Variants in CNTN3 observed in about 807,000 individuals in gnomAD.
CNTN3 encodes the protein contactin-3.
CNTN3 carries 60 observed loss-of-function variants against 119.1 expected under a neutral mutation model. The observed-to-expected ratio is 0.50, with a 90% CI of 0.41 to 0.62. The LOEUF (loss-of-function observed/expected upper bound fraction) is 0.62, where lower values mean the gene tolerates loss of function less well. Among genes scored for constraint, CNTN3 ranks in the 20% least tolerant of loss-of-function variants. The pLI, the probability that CNTN3 is intolerant of heterozygous loss-of-function variation, is 0.00. For synonymous variants in CNTN3, 450 were observed against 438.7 expected (o/e 1.03, Z -0.32); for missense variants, 1,101 against 1,242.4 (o/e 0.89, Z 1.71).
At chr3:74,444,505 T>G (rs1282337760) in intron 4 of CNTN3, among the ~76,000 whole-genome samples, 8 of 152,176 alleles carry the variant, frequency 5.3e-5, no homozygotes. Context: ...ACTTTTCATC[T>G]ACCTGACAAT....
intron 4 of CNTN3, among the ~76,000 whole-genome samples, chr3:74,465,819 C>T (rs1428745698): frequency 2.0e-5 from 3 of 152,080 alleles, no homozygotes; most frequent in Admixed American, 2.0e-4. Context: ...TGTGTCTGAA[C>T]CCTGAAGGAG....
chr3:74,492,321 A>G (rs1351674701), intron 3 of CNTN3, among the ~76,000 whole-genome samples: 1 of 152,146 alleles, frequency 6.6e-6, no homozygotes, highest in East Asian at 1.9e-4. Flanking sequence ...TATTTGGGGT[A>G]CTGGAATTAG....
At chr3:74,419,737 A>C (rs775826319) in intron 5 of CNTN3, among the ~76,000 whole-genome samples, 17 of 152,186 alleles carry the variant, frequency 1.1e-4, no homozygotes, top group Non-Finnish European at 2.1e-4. Flanking sequence ...AATTTCTATC[A>C]GCCATTGTTG....
chr3:74,297,486 G>C (rs1188757635), intron 18 of CNTN3, among the ~76,000 whole-genome samples: 1 of 152,118 alleles, frequency 6.6e-6, no homozygotes, highest in Admixed American at 6.6e-5. Context: ...AGTGGAAAGA[G>C]GAAGGGTATG....
At chr3:74,589,015 C>T (rs1258585599) in intron 1 of CNTN3, among the ~76,000 whole-genome samples, 1 of 151,630 alleles carries the variant, frequency 6.6e-6, no homozygotes, top group African/African-American at 2.4e-5. Context: ...AGAAGAAAAC[C>T]TAGGCATTAC....
intron 1 of CNTN3, among the ~76,000 whole-genome samples, chr3:74,528,548 G>C (rs1176557643): frequency 6.6e-6 from 1 of 151,806 alleles, no homozygotes; most frequent in East Asian, 2.0e-4. Context: ...ACCACTCATG[G>C]GGATCTTTCT....
intron 20 of CNTN3, among the ~76,000 whole-genome samples, chr3:74,284,130 C>T (rs974037026): frequency 5.9e-5 from 9 of 152,200 alleles, no homozygotes; most frequent in African/African-American, 2.2e-4. Flanking sequence ...GCAGAACTGT[C>T]TTACATTACT....
At chr3:74,497,197 T>C (rs549195798) in intron 3 of CNTN3, among the ~76,000 whole-genome samples, 4 of 152,142 alleles carry the variant, frequency 2.6e-5, no homozygotes, top group Non-Finnish European at 4.4e-5. Context: ...GATGTCATTA[T>C]ATATTTAGAG....
At chr3:74,539,202 G>A (rs1703806417) in intron 1 of CNTN3, among the ~76,000 whole-genome samples, 1 of 152,042 alleles carries the variant, frequency 6.6e-6, no homozygotes, top group African/African-American at 2.4e-5. Flanking sequence ...AATTTAATGT[G>A]CCATTTTAAG....
intron 1 of CNTN3, among the ~76,000 whole-genome samples, chr3:74,574,309 T>C (rs957543727): frequency 2.0e-5 from 3 of 152,098 alleles, no homozygotes; most frequent in African/African-American, 2.4e-5. Flanking sequence ...TGGGGAGTGA[T>C]TGCTAATGGG....
chr3:74,517,235 G>A (rs1355667159), intron 2 of CNTN3, among the ~76,000 whole-genome samples: 3 of 151,874 alleles, frequency 2.0e-5, no homozygotes, highest in Admixed American at 2.0e-4. Flanking sequence ...CTTACGATCT[G>A]GCCTTTAACT....
chr3:74,556,599 T>C (rs1704074068), intron 1 of CNTN3, among the ~76,000 whole-genome samples: 1 of 152,162 alleles, frequency 6.6e-6, no homozygotes, highest in African/African-American at 2.4e-5. Flanking sequence ...GCAATGAACA[T>C]TTGTGTACAA....
rs139825679 is a variant in CNTN3, at chr3:74,408,142, T to C, written c.454+16703A>G. Among the ~76,000 whole-genome samples, 552 of 152,338 alleles carry C rather than the reference T, an allele frequency of 3.6e-3. 7 individuals are homozygous for C. The highest frequency in any genetic ancestry group is 0.013 in the African/African-American group (526 of 41,574). On this transcript the variant is annotated intron_variant, in intron 5 of 22. Coordinates refer to ENST00000263665, the MANE Select transcript of CNTN3 (RefSeq NM_020872.3). ...CATTGGAATAAATTCTGCTCCACTGTGGGACGGTGCAAACTTCAAGCTAAT... is the reference window on the plus strand; with the variant it reads ...CATTGGAATAAATTCTGCTCCACTGCGGGACGGTGCAAACTTCAAGCTAAT...
chr3:74,318,194 C>G (rs1379254875), intron 13 of CNTN3, among the ~76,000 whole-genome samples: 1 of 152,200 alleles, frequency 6.6e-6, no homozygotes, highest in Non-Finnish European at 1.5e-5. Context: ...TCCATCAGCT[C>G]CTTTAAGGAC....
intron 13 of CNTN3, among the ~76,000 whole-genome samples, chr3:74,310,280 C>A (rs1702651598): frequency 6.6e-6 from 1 of 152,130 alleles, no homozygotes; most frequent in Non-Finnish European, 1.5e-5. Flanking sequence ...TGCCAAATGC[C>A]ATTTGAGTTT....
chr3:74,335,847 T>C (rs112408797), intron 12 of CNTN3, among the ~76,000 whole-genome samples: 4 of 152,266 alleles, frequency 2.6e-5, no homozygotes, highest in African/African-American at 9.6e-5. Context: ...GTCCATGAAA[T>C]CTTTTTCCAA....
At chr3:74,462,284 A>G (rs2106977296) in intron 4 of CNTN3, among the ~76,000 whole-genome samples, 1 of 152,214 alleles carries the variant, frequency 6.6e-6, no homozygotes, top group East Asian at 1.9e-4. Flanking sequence ...TTACTGTCTC[A>G]GGTATTTCCT....
chr3:74,524,601 T>C (rs1274715977), intron 1 of CNTN3, among the ~76,000 whole-genome samples: 1 of 151,794 alleles, frequency 6.6e-6, no homozygotes, highest in African/African-American at 2.4e-5. Flanking sequence ...TGTAGACAAG[T>C]ACTTGGTATG....
At chr3:74,453,447 T>A (rs368003570) in intron 4 of CNTN3, among the ~76,000 whole-genome samples, 1 of 152,198 alleles carries the variant, frequency 6.6e-6, no homozygotes, top group Non-Finnish European at 1.5e-5. Context: ...ATCAATTTTG[T>A]TATCTTTTCA....
Sources: allele counts gnomAD v4.1 joint callset (sites outside exome capture counted in the v4.1 genomes callset), GRCh38; gene constraint gnomAD v4.1.1; transcripts MANE v1.5; gene names NCBI Gene and HGNC (gene_info 2026-07-23, HGNC 2026-07-21).